Variants in APBB1IP observed in about 807,000 individuals in gnomAD.
APBB1IP encodes amyloid beta A4 precursor protein-binding family B member 1-interacting protein.
Under a neutral mutation model 64.9 loss-of-function variants are expected in APBB1IP, and 27 were observed. The observed-to-expected ratio is 0.42, with a 90% CI of 0.31 to 0.57. The LOEUF (loss-of-function observed/expected upper bound fraction) is 0.57. APBB1IP is among the 20% of genes least tolerant of loss of function. The pLI is 0.20. For synonymous variants in APBB1IP, 392 were observed against 331.0 expected, an observed-to-expected ratio of 1.18 and a Z score of -2.00; for missense variants, 812 against 845.5, an observed-to-expected ratio of 0.96 and a Z score of 0.49.
At chr10:26,560,076 T>C (rs763444348) in intron 11 of APBB1IP, 29 bp from the exon 12 acceptor site, 7 of 1,580,816 alleles carry the variant, frequency 4.4e-6, no homozygotes, top group Admixed American at 1.7e-5. Flanking sequence ...GACAAGTGAA[T>C]ACATTGTCTC....
At chr10:26,522,487 T>C (rs113300079) in intron 8 of APBB1IP, among the ~76,000 whole-genome samples, 5 of 152,334 alleles carry the variant, frequency 3.3e-5, no homozygotes, top group African/African-American at 1.2e-4. Flanking sequence ...CTTTGAACTG[T>C]TCTCATTTCA....
At chr10:26,528,666 G>A (rs985787059) in intron 8 of APBB1IP, among the ~76,000 whole-genome samples, 4 of 152,168 alleles carry the variant, frequency 2.6e-5, no homozygotes, top group African/African-American at 4.8e-5. Flanking sequence ...GCCAGGCATG[G>A]TGGCTCACGC....
At chr10:26,528,174 A>G (rs1836502502) in intron 8 of APBB1IP, among the ~76,000 whole-genome samples, 1 of 152,110 alleles carries the variant, frequency 6.6e-6, no homozygotes, top group African/African-American at 2.4e-5. Flanking sequence ...GCCAAACCCA[A>G]CGTAAGTGAA....
intron 8 of APBB1IP, among the ~76,000 whole-genome samples, chr10:26,524,541 T>C (rs1274449992): frequency 1.3e-5 from 2 of 152,148 alleles, no homozygotes; most frequent in Non-Finnish European, 2.9e-5. Flanking sequence ...TGCAGTTTGG[T>C]TTTATATATT....
At chr10:26,475,081 C>T (rs552462336) in intron 2 of APBB1IP, among the ~76,000 whole-genome samples, 31 of 151,928 alleles carry the variant, frequency 2.0e-4, no homozygotes, top group Non-Finnish European at 3.8e-4. Context: ...GTTTGACTCT[C>T]GCTGATGTGT....
In APBB1IP at chr10:26,470,398, A is replaced by T. The variant is rs112801637; in HGVS notation, c.1-21929A>T. ...CTAAAAATACAAAAAAATTAGCCGGATGTGGAGGCAGGCGCCTGTAATCCC... is the reference window on the plus strand; with the variant it reads ...CTAAAAATACAAAAAAATTAGCCGGTTGTGGAGGCAGGCGCCTGTAATCCC... On this transcript the variant is annotated intron_variant, in intron 2 of 14. Coordinates refer to ENST00000376236, the MANE Select transcript of APBB1IP (RefSeq NM_019043.4). 9.4e-3 allele frequency among the ~76,000 whole-genome samples: 1,428 copies of T among 152,060 alleles called. 22 individuals are homozygous for T. The highest frequency in any genetic ancestry group is 0.032 in the African/African-American group (1,342 of 41,464).
rs191914671 is a variant in APBB1IP at position 26,536,085 on chromosome 10, T to C, written c.912T>C (p.Cys304=). 3.2e-6 allele frequency: 5 copies of C among 1,586,556 alleles called. No individual in the cohort carries two copies. The highest frequency in any genetic ancestry group is 4.3e-6 in the Non-Finnish European group (5 of 1,171,616). The part of the protein sequence containing the change: ...NKESLLEESF[C]GTSIIVPELE... ...AATCTCACTTTCAGGAAAGTTTCTGTGGAACATCTATCATTGTACCAGAAC... is the reference window on the plus strand; with the variant it reads ...AATCTCACTTTCAGGAAAGTTTCTGCGGAACATCTATCATTGTACCAGAAC... Residue 304 remains cysteine, a synonymous_variant, in exon 10 of 15, where the codon TGT becomes TGC. Coordinates refer to ENST00000376236, the MANE Select transcript of APBB1IP (RefSeq NM_019043.4).
intron 6 of APBB1IP, among the ~76,000 whole-genome samples, chr10:26,505,384 C>A (rs552331992): frequency 6.6e-6 from 1 of 152,278 alleles, no homozygotes; most frequent in Admixed American, 6.5e-5. Flanking sequence ...ATTCCACAGT[C>A]CATCATTGGA....
intron 2 of APBB1IP, among the ~76,000 whole-genome samples, chr10:26,472,557 T>G (rs1835731089): frequency 7.2e-6 from 1 of 139,772 alleles, no homozygotes; most frequent in East Asian, 2.2e-4. Context: ...TTCAGTATCC[T>G]CATCGTGTTT....
intron 2 of APBB1IP, among the ~76,000 whole-genome samples, chr10:26,455,615 T>C (rs917053475): frequency 8.5e-5 from 13 of 152,126 alleles, no homozygotes; most frequent in African/African-American, 2.9e-4. Flanking sequence ...GAAACACATA[T>C]AAAATACATA....
chr10:26,523,920 G>A (rs1284307297), intron 8 of APBB1IP, among the ~76,000 whole-genome samples: 1 of 152,152 alleles, frequency 6.6e-6, no homozygotes, highest in Non-Finnish European at 1.5e-5. Context: ...GCTTTACAAA[G>A]CCATTGTGCC....
intron 11 of APBB1IP, among the ~76,000 whole-genome samples, chr10:26,547,499 T>C (rs1836781219): frequency 1.3e-5 from 2 of 152,164 alleles, no homozygotes; most frequent in Non-Finnish European, 2.9e-5. Context: ...TGGAGTGCAA[T>C]GGCATGATCT....
At chr10:26,560,257 A>G in intron 12 of APBB1IP, 54 bp downstream of exon 12, 1 of 1,505,022 alleles carries the variant, frequency 6.6e-7, no homozygotes, top group Non-Finnish European at 9.3e-7. Flanking sequence ...CAACTTCCTG[A>G]CCTGGGCACA....
At chr10:26,558,484 C>T (rs997167886) in intron 11 of APBB1IP, among the ~76,000 whole-genome samples, 7 of 151,988 alleles carry the variant, frequency 4.6e-5, no homozygotes, top group Admixed American at 2.6e-4. Flanking sequence ...GAGACAGACA[C>T]ATAAAACAGA....
chr10:26,535,332 G>T (rs923528990), intron 9 of APBB1IP, among the ~76,000 whole-genome samples: 1 of 151,684 alleles, frequency 6.6e-6, no homozygotes, highest in Non-Finnish European at 1.5e-5. Context: ...CTTTTTGTGG[G>T]TACATAGTAT....
chr10:26,486,661 C>T (rs192649276), intron 2 of APBB1IP, among the ~76,000 whole-genome samples: 5 of 152,248 alleles, frequency 3.3e-5, no homozygotes, highest in Non-Finnish European at 5.9e-5. Flanking sequence ...CTGATCTTCA[C>T]GGCATCCCAA....
At chr10:26,535,075 GT>G (rs1376893204) in intron 9 of APBB1IP, among the ~76,000 whole-genome samples, 8 of 151,878 alleles carry the variant, frequency 5.3e-5, no homozygotes, top group Admixed American at 1.3e-4. Context: ...CAAAAAATAA[GT>G]TTGACTATTT....
At chr10:26,547,463 C>A (rs1240099463) in intron 11 of APBB1IP, among the ~76,000 whole-genome samples, 1 of 151,866 alleles carries the variant, frequency 6.6e-6, no homozygotes, top group African/African-American at 2.4e-5. Flanking sequence ...TTTTTTGAGA[C>A]ACAGTTTCGC....
intron 8 of APBB1IP, among the ~76,000 whole-genome samples, chr10:26,522,641 A>G (rs531283103): frequency 6.6e-6 from 1 of 152,272 alleles, no homozygotes; most frequent in Admixed American, 6.5e-5. Context: ...TAGGACACTT[A>G]AGGGTTAAAA....
Sources: gnomAD v4.1 joint callset for allele counts (sites outside exome capture counted in the v4.1 genomes callset) on GRCh38, gnomAD v4.1.1 for gene constraint, MANE v1.5 for transcripts, NCBI Gene and HGNC (gene_info 2026-07-23, HGNC 2026-07-21) for gene names.